PPP2R2C: variants seen among roughly 807,000 people sequenced by gnomAD.
PPP2R2C encodes the protein protein phosphatase 2, regulatory subunit B, gamma.
PPP2R2C carries 10 observed loss-of-function variants against 45.3 expected under a neutral mutation model. The ratio of observed to expected loss-of-function variants is 0.22; its 90% CI spans 0.14 to 0.37. The LOEUF is 0.37. PPP2R2C is among the 10% of genes least tolerant of loss of function. PPP2R2C has a pLI of 1.00. For synonymous variants in PPP2R2C, 257 were observed against 245.4 expected, an observed-to-expected ratio of 1.05 and a Z score of -0.44; for missense variants, 308 against 619.7, an observed-to-expected ratio of 0.50 and a Z score of 5.34.
chr4:6,534,003 C>G (rs1419894486), intron 2 of PPP2R2C, among the ~76,000 whole-genome samples: 2 of 147,932 alleles, frequency 1.4e-5, no homozygotes, highest in East Asian at 4.0e-4. Context: ...CACACACACC[C>G]CAATATACAC....
Position 6,378,423 on chromosome 4 carries a change from T to C in PPP2R2C, c.318A>G (p.Ser106=). The C allele has an allele frequency of 1.2e-6, 2 of 1,613,430 alleles. No homozygotes were observed. Among genetic ancestry groups the C allele is most frequent in the South Asian group, 2.2e-5 (2 of 91,014 alleles). ...GCGCCTCACCGTTGGTGGACAGGAGTGAGTGGGCGGCGTTCTGCTGTGGGA... is the reference window on the plus strand; with the variant it reads ...GCGCCTCACCGTTGGTGGACAGGAGCGAGTGGGCGGCGTTCTGCTGTGGGA... ...KWLPQQNAAH[S]LLSTNDKTIK... Residue 106 remains serine (S), a synonymous_variant, in exon 3 of 9, where the codon TCA becomes TCG. Transcript: ENST00000382599. This position sits in a 1 kb window ranked among gnomAD's most constrained non-coding sequence, Gnocchi z 5.2.
In PPP2R2C at chr4:6,521,082, G is replaced by A. The variant is rs184897008; in HGVS notation, c.49+14189C>T. 9.2e-5 allele frequency among the ~76,000 whole-genome samples: 14 copies of A among 152,296 alleles called. 1 individual carries two copies. Among genetic ancestry groups the A allele is most frequent in the South Asian group, 4.1e-4 (2 of 4,826 alleles). On this transcript the variant is annotated intron_variant, in intron 2 of 9. Transcript: ENST00000506140. Reference sequence around the variant, plus strand: ...GCACAAGGCTTGGAAAGTAAGGTTCGAAAAGGCTAAGTAACCAGCCTGAGG... The same window carrying A: ...GCACAAGGCTTGGAAAGTAAGGTTCAAAAAGGCTAAGTAACCAGCCTGAGG...
At chr4:6,538,580 C>T (rs547774219) in intron 1 of PPP2R2C, among the ~76,000 whole-genome samples, 1 of 152,234 alleles carries the variant, frequency 6.6e-6, no homozygotes, top group South Asian at 2.1e-4. Flanking sequence ...TTCCAAACGC[C>T]AATAACACGG....
chr4:6,429,320 G>C (rs528156209), intron 1 of PPP2R2C, among the ~76,000 whole-genome samples: 2 of 152,306 alleles, frequency 1.3e-5, no homozygotes, highest in African/African-American at 4.8e-5. Flanking sequence ...TCCTTAAAAA[G>C]TAAATGTACG....
chr4:6,324,825 G>A lies in PPP2R2C; in HGVS notation c.1053-1232C>T, dbSNP rs1316022489. Reference sequence around the variant, plus strand: ...AGAAAGCACAGTTCTGTGGGCCTGCGCCCAGAGGGAGGGTTTTGGGGTTTG... The same window carrying A: ...AGAAAGCACAGTTCTGTGGGCCTGCACCCAGAGGGAGGGTTTTGGGGTTTG... On this transcript the variant is annotated intron_variant, in intron 8 of 8. Coordinates refer to ENST00000382599, the MANE Select transcript of PPP2R2C (RefSeq NM_020416.4). The surrounding 1 kb of genome is among the most constrained non-coding windows in gnomAD (Gnocchi z 4.1). Among the ~76,000 whole-genome samples, 6 of 152,254 alleles carry A rather than the reference G, an allele frequency of 3.9e-5. No homozygotes were observed. The highest frequency in any genetic ancestry group is 8.8e-5 in the Non-Finnish European group (6 of 68,040).
chr4:6,365,646 T>C (rs1714235713), intron 5 of PPP2R2C, among the ~76,000 whole-genome samples: 1 of 152,232 alleles, frequency 6.6e-6, no homozygotes, highest in Non-Finnish European at 1.5e-5. Context: ...CTTTGTTCTC[T>C]GCACAGAAGA....
chr4:6,446,734 C>T (rs1720438312), intron 1 of PPP2R2C, among the ~76,000 whole-genome samples: 1 of 152,092 alleles, frequency 6.6e-6, no homozygotes. Context: ...CCGCCAACGG[C>T]CCACTGTCTC....
At chr4:6,326,050 C>T (rs1731915351) in intron 8 of PPP2R2C, among the ~76,000 whole-genome samples, 1 of 152,242 alleles carries the variant, frequency 6.6e-6, no homozygotes, top group Admixed American at 6.5e-5. Flanking sequence ...CTCCTCGCCC[C>T]TTGGCCTGGC....
At chr4:6,524,633 G>A (rs1447664681) in intron 2 of PPP2R2C, among the ~76,000 whole-genome samples, 1 of 152,168 alleles carries the variant, frequency 6.6e-6, no homozygotes, top group African/African-American at 2.4e-5. Context: ...GGACTGGATT[G>A]ACAGATGCTC....
chr4:6,493,280 C>T (rs1342719264), intron 2 of PPP2R2C, among the ~76,000 whole-genome samples: 1 of 151,958 alleles, frequency 6.6e-6, no homozygotes, highest in Non-Finnish European at 1.5e-5. Context: ...CCTTTCTGGG[C>T]TTTGCTTTAA....
chr4:6,454,406 C>T (rs1167783339), intron 1 of PPP2R2C, among the ~76,000 whole-genome samples: 2 of 152,192 alleles, frequency 1.3e-5, no homozygotes, highest in Admixed American at 6.5e-5. Context: ...GCAGCTTCCA[C>T]CTGGGTATCT....
At chr4:6,349,007 C>A (rs1712276485) in intron 5 of PPP2R2C, 1 of 985,348 alleles carries the variant, frequency 1.0e-6, no homozygotes, top group African/African-American at 1.7e-5. Context: ...TTCAGCCTCA[C>A]AACCTCCCCG....
chr4:6,511,558 G>A (rs1440774013), intron 2 of PPP2R2C, among the ~76,000 whole-genome samples: 16 of 63,508 alleles, frequency 2.5e-4, no homozygotes, highest in African/African-American at 7.9e-4. Flanking sequence ...GGTGGTGGTG[G>A]TGGTGGTGGT....
intron 2 of PPP2R2C, among the ~76,000 whole-genome samples, chr4:6,534,708 G>T (rs146432360): frequency 6.6e-6 from 1 of 151,812 alleles, no homozygotes; most frequent in African/African-American, 2.4e-5. Context: ...ACACTCCCTC[G>T]GGCGCCTTCC....
At chr4:6,409,894 T>C (rs1432193446) in intron 1 of PPP2R2C, among the ~76,000 whole-genome samples, 2 of 152,212 alleles carry the variant, frequency 1.3e-5, no homozygotes, top group African/African-American at 2.4e-5. Context: ...TCCTATCTTT[T>C]ATCTAACATC....
At chr4:6,452,701 G>C (rs966185002) in intron 1 of PPP2R2C, among the ~76,000 whole-genome samples, 1 of 152,246 alleles carries the variant, frequency 6.6e-6, no homozygotes, top group Non-Finnish European at 1.5e-5. Flanking sequence ...TTTGATGAGG[G>C]GGTCACCTGC....
At chr4:6,372,401 C>A (rs1461665231) in intron 5 of PPP2R2C, 122 bp downstream of exon 5, 4 of 1,047,304 alleles carry the variant, frequency 3.8e-6, no homozygotes, top group South Asian at 3.1e-5. Flanking sequence ...AGGTGCCTCA[C>A]TGAAGAAGTT....
At chr4:6,516,201 C>T (rs1022815602) in intron 2 of PPP2R2C, among the ~76,000 whole-genome samples, 5 of 152,180 alleles carry the variant, frequency 3.3e-5, no homozygotes, top group Admixed American at 3.3e-4. Flanking sequence ...TTCTGGCAGG[C>T]GTCCTTAGGA....
intron 1 of PPP2R2C, among the ~76,000 whole-genome samples, chr4:6,441,134 G>A (rs1337196221): frequency 6.6e-6 from 1 of 152,110 alleles, no homozygotes; most frequent in Non-Finnish European, 1.5e-5. Flanking sequence ...CACAGGAAAA[G>A]GGGGTTCCAG....
Sources: gnomAD v4.1 joint callset for allele counts (sites outside exome capture counted in the v4.1 genomes callset) on GRCh38, gnomAD v4.1.1 for gene constraint, Gnocchi (gnomAD v3.1) non-coding constraint, MANE v1.5 for transcripts, NCBI Gene and HGNC (gene_info 2026-07-23, HGNC 2026-07-21) for gene names.